The following ST18 variants were observed in gnomAD, a reference collection of about 807,000 sequenced individuals.
ST18 encodes ST18 C2H2C-type zinc finger transcription factor, also known as suppression of tumorigenicity 18 protein.
Under a neutral mutation model 110.0 loss-of-function variants are expected in ST18, and 50 were observed. That is an observed-to-expected ratio of 0.45 (90% CI 0.36 to 0.58). ST18 has a LOEUF of 0.58. Ranked by LOEUF, ST18 falls within the 20% of genes least tolerant of loss-of-function variation. The pLI is 0.00. For missense variants in ST18, 1,306 were observed against 1,280.1 expected (o/e 1.02, Z -0.31); for synonymous variants, 461 against 452.4 (o/e 1.02, Z -0.24).
chr8:52,116,439 G>A (rs757493526), intron 24 of ST18, 21 bp from the exon 25 acceptor site: 2 of 1,606,360 alleles, frequency 1.2e-6, no homozygotes, highest in Middle Eastern at 1.7e-4. Flanking sequence ...AATAACTTGG[G>A]AATGTGAGTA....
At chr8:52,250,988 G>A (rs1057393658) in intron 2 of ST18, among the ~76,000 whole-genome samples, 1 of 152,100 alleles carries the variant, frequency 6.6e-6, no homozygotes, top group African/African-American at 2.4e-5. Flanking sequence ...AAAAAGTCCT[G>A]TACAATCCAG....
chr8:52,400,215 A>G (rs1842446412), intron 2 of ST18, among the ~76,000 whole-genome samples: 1 of 152,064 alleles, frequency 6.6e-6, no homozygotes, highest in Admixed American at 6.5e-5. Flanking sequence ...TATCTGCTAT[A>G]AACAGCCATC....
At chr8:52,233,076 A>G (rs1171352879) in intron 2 of ST18, among the ~76,000 whole-genome samples, 1 of 152,214 alleles carries the variant, frequency 6.6e-6, no homozygotes, top group Non-Finnish European at 1.5e-5. Context: ...AGTCTCATCT[A>G]AATACAAGAG....
At chr8:52,148,249 A>C (rs1378769128) in intron 16 of ST18, among the ~76,000 whole-genome samples, 1 of 152,214 alleles carries the variant, frequency 6.6e-6, no homozygotes, top group Admixed American at 6.5e-5. Context: ...TAGATTGATT[A>C]AGGCCATCCT....
At chr8:52,243,733 C>T (rs912723843) in intron 2 of ST18, among the ~76,000 whole-genome samples, 50 of 152,282 alleles carry the variant, frequency 3.3e-4, no homozygotes, top group African/African-American at 1.1e-3. Context: ...ATAATTATTG[C>T]CACATATATC....
At chr8:52,402,312 G>C (rs780318943) in intron 2 of ST18, among the ~76,000 whole-genome samples, 3 of 152,168 alleles carry the variant, frequency 2.0e-5, no homozygotes, top group Non-Finnish European at 4.4e-5. Context: ...CTGGGGTCCT[G>C]GGCTCAGTGT....
intron 19 of ST18, among the ~76,000 whole-genome samples, chr8:52,133,793 C>T (rs141508084): frequency 1.3e-5 from 2 of 151,846 alleles, no homozygotes; most frequent in South Asian, 2.1e-4. Flanking sequence ...TGCAATGCTG[C>T]GATCTTGGCT....
chr8:52,119,762 G>T (rs763606506), intron 23 of ST18, among the ~76,000 whole-genome samples: 1 of 152,112 alleles, frequency 6.6e-6, no homozygotes, highest in South Asian at 2.1e-4. Context: ...AAAGTAAGCC[G>T]AAAGTTACAT....
intron 8 of ST18, among the ~76,000 whole-genome samples, chr8:52,191,375 C>T (rs780436916): frequency 1.3e-5 from 2 of 152,100 alleles, no homozygotes; most frequent in African/African-American, 2.4e-5. Context: ...AACTGGATTC[C>T]GTTAGACTCA....
At chr8:52,279,351 AACT>A (rs1259163606) in intron 2 of ST18, among the ~76,000 whole-genome samples, 1 of 152,146 alleles carries the variant, frequency 6.6e-6, no homozygotes, top group Non-Finnish European at 1.5e-5. Context: ...CATCTGAAGG[AACT>A]ACTCAGACTA....
intron 7 of ST18, among the ~76,000 whole-genome samples, chr8:52,213,825 A>G (rs2083096621): frequency 6.6e-6 from 1 of 152,176 alleles, no homozygotes; most frequent in Non-Finnish European, 1.5e-5. Flanking sequence ...ATAAAAATCA[A>G]AACCTGCTTT....
intron 15 of ST18, among the ~76,000 whole-genome samples, chr8:52,158,578 G>T (rs533065349): frequency 1.3e-5 from 2 of 152,262 alleles, no homozygotes; most frequent in African/African-American, 2.4e-5. Context: ...CTTTTCTTGT[G>T]TGCCAAATTC....
chr8:52,326,402 T>G (rs1439407600), intron 2 of ST18, among the ~76,000 whole-genome samples: 2 of 152,186 alleles, frequency 1.3e-5, no homozygotes, highest in Non-Finnish European at 2.9e-5. Context: ...TTTATTGGTG[T>G]GACCTTTGGT....
intron 15 of ST18, among the ~76,000 whole-genome samples, chr8:52,157,018 C>T (rs1256062495): frequency 6.6e-6 from 1 of 152,166 alleles, no homozygotes. Context: ...GCGGCGAGCT[C>T]CTGTCACCTG....
intron 2 of ST18, among the ~76,000 whole-genome samples, chr8:52,345,973 G>A (rs1225203825): frequency 6.6e-6 from 1 of 151,866 alleles, no homozygotes; most frequent in African/African-American, 2.4e-5. Flanking sequence ...CAGATCATTA[G>A]TTATATGAAA....
At chr8:52,332,530 CTTTTTTTTT>C (rs140331895) in intron 2 of ST18, among the ~76,000 whole-genome samples, 2 of 49,802 alleles carry the variant, frequency 4.0e-5, no homozygotes, top group Admixed American at 2.9e-4. Flanking sequence ...TCTAATGTAG[CTTTTTTTTT>C]TTTTTTTTTT....
At chr8:52,353,715 AG>A (rs1821406460) in intron 2 of ST18, among the ~76,000 whole-genome samples, 1 of 152,246 alleles carries the variant, frequency 6.6e-6, no homozygotes, top group Non-Finnish European at 1.5e-5. Context: ...TAAACAAATA[AG>A]AAAAGAAAGG....
intron 2 of ST18, among the ~76,000 whole-genome samples, chr8:52,311,935 G>A (rs74744580): frequency 0.03 from 4,634 of 152,272 alleles, 224 homozygotes; most frequent in African/African-American, 0.1. Flanking sequence ...ACTGGACAAT[G>A]TTGGCATTGA....
intron 16 of ST18, among the ~76,000 whole-genome samples, chr8:52,148,579 T>A (rs2057989931): frequency 6.6e-6 from 1 of 151,984 alleles, no homozygotes; most frequent in African/African-American, 2.4e-5. Flanking sequence ...TGGAAGTGTG[T>A]CCTATTCATT....
Sources: allele counts gnomAD v4.1 joint callset (sites outside exome capture counted in the v4.1 genomes callset), GRCh38; gene constraint gnomAD v4.1.1; transcripts MANE v1.5; gene names NCBI Gene and HGNC (gene_info 2026-07-23, HGNC 2026-07-21).